GPC6: variants seen among roughly 807,000 people sequenced by gnomAD.
GPC6 encodes the protein glypican-6.
A neutral mutation model predicts 55.2 loss-of-function variants in GPC6; 14 were observed. The ratio of observed to expected loss-of-function variants is 0.25; its 90% confidence interval spans 0.17 to 0.40. The LOEUF (loss-of-function observed/expected upper bound fraction) is 0.40, where lower values mean the gene tolerates loss of function less well. Ranked by LOEUF, GPC6 falls within the 10% of genes least tolerant of loss-of-function variation. The probability of loss-of-function intolerance (pLI) is 1.00; values close to 1 mark genes in which losing one functional copy is unlikely to be tolerated. For missense variants in GPC6, 641 were observed against 708.5 expected, an observed-to-expected ratio of 0.90 and a Z score of 1.08; for synonymous variants, 278 against 259.6, an observed-to-expected ratio of 1.07 and a Z score of -0.68.
At chr13:94,002,077 G>T (rs1301900830) in intron 3 of GPC6, among the ~76,000 whole-genome samples, 5 of 152,006 alleles carry the variant, frequency 3.3e-5, no homozygotes, top group Admixed American at 3.3e-4. Context: ...TTTTCAAACA[G>T]TTGGCTCCCA....
chr13:93,356,434 A>T (rs1466748341), intron 1 of GPC6, among the ~76,000 whole-genome samples: 1 of 152,194 alleles, frequency 6.6e-6, no homozygotes, highest in Non-Finnish European at 1.5e-5. Flanking sequence ...TCCAGTGAAG[A>T]AGGCATTTCC....
chr13:94,218,295 T>A (rs1890281456), intron 4 of GPC6, among the ~76,000 whole-genome samples: 1 of 152,212 alleles, frequency 6.6e-6, no homozygotes, highest in Non-Finnish European at 1.5e-5. Context: ...TAGTTGGTTC[T>A]GCTCCTTTAC....
At chr13:93,536,616 T>A (rs1882074436) in intron 1 of GPC6, among the ~76,000 whole-genome samples, 1 of 152,238 alleles carries the variant, frequency 6.6e-6, no homozygotes, top group African/African-American at 2.4e-5. Context: ...AGTTGTTTAT[T>A]CACCTGTGGA....
intron 5 of GPC6, among the ~76,000 whole-genome samples, chr13:94,297,075 A>G (rs971528716): frequency 6.6e-6 from 1 of 152,188 alleles, no homozygotes; most frequent in African/African-American, 2.4e-5. Flanking sequence ...ATGTAGTTGC[A>G]TGGCCCAGTA....
chr13:94,162,521 C>T lies in GPC6; in HGVS notation c.878-123828C>T, dbSNP rs558429506. On this transcript the variant is annotated intron_variant, in intron 4 of 8. Transcript: ENST00000377047. ...GGCTTGAGTGTGTTGTTGGCTGGCT[C>T]ACAACAGTGAGGGCTACCCTGGCAC... Among the ~76,000 whole-genome samples the T allele has an allele frequency of 6.6e-5, 10 of 152,286 alleles. No homozygotes were observed. In the South Asian group the frequency reaches 1.9e-3, roughly 28 times the overall value.
intron 2 of GPC6, among the ~76,000 whole-genome samples, chr13:93,685,852 G>T (rs115840788): frequency 1.1e-3 from 164 of 152,238 alleles, no homozygotes; most frequent in African/African-American, 3.7e-3. Context: ...CAGTAGGAAA[G>T]ATTGAAGAGT....
intron 4 of GPC6, among the ~76,000 whole-genome samples, chr13:94,178,209 G>T (rs1888858083): frequency 6.6e-6 from 1 of 151,890 alleles, no homozygotes; most frequent in Non-Finnish European, 1.5e-5. Flanking sequence ...ATGTTGGCCA[G>T]GTTGCTCTTG....
intron 5 of GPC6, among the ~76,000 whole-genome samples, chr13:94,289,595 G>A (rs183926951): frequency 6.1e-4 from 93 of 152,302 alleles, no homozygotes; most frequent in African/African-American, 2.1e-3. Context: ...GGAATTTGTG[G>A]CACAGTGTGG....
intron 1 of GPC6, among the ~76,000 whole-genome samples, chr13:93,448,258 T>C (rs977590520): frequency 6.6e-6 from 1 of 151,970 alleles, no homozygotes; most frequent in African/African-American, 2.4e-5. Context: ...GAAATACTTA[T>C]CATTGTGGTA....
chr13:93,554,260 A>G (rs979929757), intron 2 of GPC6, among the ~76,000 whole-genome samples: 2 of 152,194 alleles, frequency 1.3e-5, no homozygotes, highest in Non-Finnish European at 2.9e-5. Flanking sequence ...ACTGCTCTCA[A>G]TTTTTGTATA....
chr13:93,678,010 A>C (rs2138761032), intron 2 of GPC6, among the ~76,000 whole-genome samples: 1 of 152,276 alleles, frequency 6.6e-6, no homozygotes, highest in African/African-American at 2.4e-5. Context: ...CATCTTTCCC[A>C]CCTATGGTCA....
intron 4 of GPC6, among the ~76,000 whole-genome samples, chr13:94,191,012 A>G (rs1390462353): frequency 2.0e-5 from 3 of 152,188 alleles, no homozygotes; most frequent in African/African-American, 7.2e-5. Context: ...AATGTTAACA[A>G]TAGGTGATTT....
intron 1 of GPC6, among the ~76,000 whole-genome samples, chr13:93,483,773 G>A (rs149306766): frequency 3.9e-4 from 59 of 152,188 alleles, no homozygotes; most frequent in Middle Eastern, 3.4e-3. Flanking sequence ...CTAAATGGTG[G>A]CTGCATTGTG....
intron 1 of GPC6, among the ~76,000 whole-genome samples, chr13:93,529,005 G>C (rs1214661867): frequency 6.6e-6 from 1 of 152,016 alleles, no homozygotes; most frequent in Admixed American, 6.6e-5. Flanking sequence ...ACTGTGGAAA[G>C]TATCACAAAG....
chr13:93,963,515 G>A (rs549540248), intron 3 of GPC6, among the ~76,000 whole-genome samples: 4 of 152,276 alleles, frequency 2.6e-5, no homozygotes, highest in African/African-American at 7.2e-5. Context: ...TTATCGATAC[G>A]TAACACTTTA....
At chr13:93,783,499 C>T (rs7325824) in intron 2 of GPC6, among the ~76,000 whole-genome samples, 4,693 of 152,182 alleles carry the variant, frequency 0.031, 236 homozygotes, top group African/African-American at 0.1. Context: ...TCTGTTGTTT[C>T]TTGACTTTTT....
chr13:93,269,271 C>G (rs760703877), intron 1 of GPC6, among the ~76,000 whole-genome samples: 4 of 151,926 alleles, frequency 2.6e-5, no homozygotes, highest in Non-Finnish European at 5.9e-5. Flanking sequence ...TTTCAGGGTT[C>G]TATTAGTGAA....
At chr13:93,726,048 A>T (rs1883624065) in intron 2 of GPC6, among the ~76,000 whole-genome samples, 1 of 150,516 alleles carries the variant, frequency 6.6e-6, no homozygotes. Context: ...GCTATCATTC[A>T]CTTCATGGAG....
chr13:94,288,938 G>GTTATATATATAACAAAT (rs1566638399), intron 5 of GPC6, among the ~76,000 whole-genome samples: 1,383 of 18,366 alleles, frequency 0.075, 24 homozygotes, highest in East Asian at 0.35. Context: ...AATATAGATA[G>GTTATATATATAACAAAT]ATAGATAGAT....
Sources: gnomAD v4.1 joint callset for allele counts (sites outside exome capture counted in the v4.1 genomes callset) on GRCh38, gnomAD v4.1.1 for gene constraint, MANE v1.5 for transcripts, NCBI Gene and HGNC (gene_info 2026-07-23, HGNC 2026-07-21) for gene names.